The following PARP1 variants were observed in gnomAD, a reference collection of about 807,000 sequenced individuals.
The protein encoded by PARP1 is poly(ADP-ribose) polymerase 1.
A neutral mutation model predicts 118.7 loss-of-function variants in PARP1; 44 were observed. The ratio of observed to expected loss-of-function variants is 0.37; its 90% CI spans 0.29 to 0.48. The LOEUF is 0.48. Ranked by LOEUF, PARP1 falls within the 20% of genes least tolerant of loss-of-function variation. PARP1 has a pLI of 0.99. For missense variants in PARP1, 1,100 were observed against 1,272.4 expected, an observed-to-expected ratio of 0.86 and a Z score of 2.06; for synonymous variants, 492 against 483.2, an observed-to-expected ratio of 1.02 and a Z score of -0.24.
At chr1:226,406,142 G>A (rs1304696694) in intron 1 of PARP1, among the ~76,000 whole-genome samples, 2 of 151,906 alleles carry the variant, frequency 1.3e-5, no homozygotes, top group Non-Finnish European at 1.5e-5. Context: ...CAACTGTAAA[G>A]TGATATGAAA....
intron 1 of PARP1, among the ~76,000 whole-genome samples, chr1:226,406,451 A>C: frequency 6.6e-6 from 1 of 152,118 alleles, no homozygotes; most frequent in East Asian, 1.9e-4. Flanking sequence ...GGCCCTGTCT[A>C]CTTCCCTATT....
rs762594841 is a variant in PARP1 at position 226,379,648 on chromosome 1, G to A, written c.1544-7C>T. 17 of 1,599,882 alleles carry A rather than the reference G, an allele frequency of 1.1e-5. No individual in the cohort carries two copies. The highest frequency in any genetic ancestry group is 1.5e-5 in the Non-Finnish European group (17 of 1,168,770). ...TTTTCAGATTTGTTGATACCTTGGAGGAGAACAGAAAAATGTAAACATGAA... is the reference window on the plus strand; with the variant it reads ...TTTTCAGATTTGTTGATACCTTGGAAGAGAACAGAAAAATGTAAACATGAA... On this transcript the variant is annotated splice_polypyrimidine_tract_variant and splice_region_variant and intron_variant, in intron 10 of 22. Transcript: ENST00000366794.
intron 4 of PARP1, among the ~76,000 whole-genome samples, chr1:226,389,092 CA>C (rs1313513566): frequency 7.2e-5 from 11 of 151,910 alleles, no homozygotes; most frequent in Non-Finnish European, 1.5e-4. Flanking sequence ...AAAAGAAACC[CA>C]TGTATCTCCT....
rs781221959 is a variant in PARP1, at chr1:226,402,396, CAGAG to C, written c.121-21_121-18del. 4 of 1,609,538 alleles carry C rather than the reference CAGAG, an allele frequency of 2.5e-6. No individual in the cohort carries two copies. The South Asian group carries it at 4.4e-5, about 18-fold the overall frequency. Reference sequence around the variant, plus strand: ...CATGGGCGACTAGAAGGAAGAGAAACAGAGGGAAGTAAGTAAGCAGTTAACTTTT... The same window carrying C: ...CATGGGCGACTAGAAGGAAGAGAAACGGAAGTAAGTAAGCAGTTAACTTTT... On this transcript the variant is annotated intron_variant, in intron 1 of 22. Transcript: ENST00000366794.
intron 17 of PARP1, chr1:226,366,732 CAT>C (rs1258803386): frequency 1.3e-5 from 2 of 157,198 alleles, no homozygotes; most frequent in Non-Finnish European, 2.8e-5. Context: ...AAACAAATGA[CAT>C]GTGGTGTCTT....
chr1:226,402,402 G>A lies in PARP1; in HGVS notation c.121-23C>T, dbSNP rs532588151. 2.5e-6 allele frequency: 4 copies of A among 1,606,586 alleles called. No homozygotes were observed. The South Asian group carries it at 4.4e-5, about 18-fold the overall frequency. ...CGACTAGAAGGAAGAGAAACAGAGG[G>A]AAGTAAGTAAGCAGTTAACTTTTGA... is the stretch of plus-strand genomic sequence containing the variant. On this transcript the variant is annotated intron_variant, in intron 1 of 22. Transcript: ENST00000366794.
chr1:226,387,931 C>T (rs1335439428), intron 5 of PARP1, among the ~76,000 whole-genome samples: 2 of 152,176 alleles, frequency 1.3e-5, no homozygotes, highest in Admixed American at 6.5e-5. Context: ...CAACTAGAAC[C>T]ATATCAGAAA....
In PARP1 at chr1:226,379,933, A is replaced by T. The variant is rs2102735361; in HGVS notation, c.1532T>A (p.Val511Asp). 6.2e-7 allele frequency: 1 copy of T among 1,613,760 alleles called. No individual in the cohort carries two copies. Among genetic ancestry groups the T allele is most frequent in the South Asian group, 1.1e-5 (1 of 91,060 alleles). ...CTTGGGGCCCTCACCTTCCTCCTTG[A>T]CCTGGCCCTTGCTTTTTTTGGAGAG... is the stretch of plus-strand genomic sequence containing the variant. Reference protein sequence around the residue: ...AALSKKSKGQVKEEGINKSEK... With the variant: ...AALSKKSKGQDKEEGINKSEK... The change falls in exon 10 of 23, where the codon GTC (valine) becomes GAC (aspartate). Residue 511 changes from valine (V) to aspartate (D), a missense_variant. By Grantham distance (152) the Val-to-Asp change is radical. This residue lies in a region of PARP1 where 948 missense variants were observed against 1,031.8 expected (regional missense o/e 0.92). Transcript: ENST00000366794.
At chr1:226,377,400 A>C (rs1049607905) in intron 12 of PARP1, 97 bp from the exon 13 acceptor site, 41 of 864,304 alleles carry the variant, frequency 4.7e-5, no homozygotes, top group Non-Finnish European at 7.8e-5. Context: ...GTGGGGAAGA[A>C]TTTTACACAC....
chr1:226,400,462 A>G (rs1009086784), intron 2 of PARP1, among the ~76,000 whole-genome samples: 1 of 152,202 alleles, frequency 6.6e-6, no homozygotes, highest in Non-Finnish European at 1.5e-5. Context: ...AGAAATAAGG[A>G]ACCATAAAAT....
intron 13 of PARP1, among the ~76,000 whole-genome samples, chr1:226,375,108 T>C (rs1335128505): frequency 2.6e-5 from 4 of 152,252 alleles, no homozygotes; most frequent in Admixed American, 2.6e-4. Context: ...TGAAAGGAAT[T>C]GGCACTGGGC....
At chr1:226,388,791 C>T (rs759572054) in intron 4 of PARP1, 36 bp from the exon 5 acceptor site, 43 of 1,527,064 alleles carry the variant, frequency 2.8e-5, no homozygotes, top group Non-Finnish European at 3.1e-5. Context: ...ACAGCCAGAG[C>T]CATTAAAAGT....
intron 8 of PARP1, among the ~76,000 whole-genome samples, chr1:226,381,978 C>A (rs1457236135): frequency 6.6e-6 from 1 of 152,168 alleles, no homozygotes; most frequent in Non-Finnish European, 1.5e-5. Context: ...GAGGAGGGAA[C>A]CCTCCATGGA....
Position 226,408,010 on chromosome 1 carries a change from G to T in PARP1, c.-81C>A. The T allele has an allele frequency of 6.3e-7, 1 of 1,587,596 alleles. No homozygotes were observed. The stretch of plus-strand genomic sequence containing the variant: ...GCTGCCGCCTCGCCGCCTCGCGTGC[G>T]CTCACCCAGCCGCAGGCGCCTGAGC... On this transcript the variant is annotated 5_prime_UTR_variant, in exon 1 of 23. Transcript: ENST00000366794.
At position 226,379,064 on chromosome 1, in the gene PARP1, A is replaced by G. The variant is rs146065530; in HGVS notation, c.1745+78T>C. ...AGGCACTGGGCCTAACGGGTTTCAC[A>G]AGGCTGATGGCACAGCACTAACCAA... is the stretch of plus-strand genomic sequence containing the variant. On this transcript the variant is annotated intron_variant, in intron 12 of 22. Transcript: ENST00000366794. The G allele has an allele frequency of 9.7e-5, 153 of 1,581,692 alleles. 1 individual carries two copies. The African/African-American group carries it at 2.0e-3, about 20-fold the overall frequency.
In PARP1 at chr1:226,402,331, A is replaced by G. The variant is rs1177628495; in HGVS notation, c.169T>C (p.Phe57Leu). Reference sequence around the variant, plus strand: ...CGGATGGAGTGGCCCACCTTCCAGAAGCAGGAGAAGTGGTACCAGTGTGGG... The same window carrying G: ...CGGATGGAGTGGCCCACCTTCCAGAGGCAGGAGAAGTGGTACCAGTGTGGG... Reference protein sequence around the residue: ...KVPHWYHFSCFWKVGHSIRHP... With the variant: ...KVPHWYHFSCLWKVGHSIRHP... Residue 57 changes from phenylalanine to leucine, a missense_variant, in exon 2 of 23, where the codon TTC becomes CTC. By Grantham distance (22) the Phe-to-Leu change is conservative. Transcript: ENST00000366794. 1.9e-6 allele frequency: 3 copies of G among 1,614,000 alleles called. No homozygotes were observed. Among genetic ancestry groups the G allele is most frequent in the South Asian group, 2.2e-5 (2 of 91,092 alleles).
Position 226,385,548 on chromosome 1 carries a change from C to T in PARP1, c.967G>A (p.Val323Ile). Residue 323 changes from valine (V) to isoleucine (I), a missense_variant, in exon 7 of 23, where the codon GTC becomes ATC. This residue lies in a region of PARP1 where 948 missense variants were observed against 1,031.8 expected (regional missense o/e 0.92). Transcript: ENST00000366794. ...TTCCGGTTGGGTGTCTGTGTCTTGA[C>T]CATACACTTGGTCCAGGCAGTGACG... ...GDVTAWTKCMVKTQTPNRKEW... is the reference protein window; with the variant it reads ...GDVTAWTKCMIKTQTPNRKEW... 3 of 1,614,118 alleles carry T rather than the reference C, an allele frequency of 1.9e-6. No individual in the cohort carries two copies. Among genetic ancestry groups the T allele is most frequent in the Non-Finnish European group, 2.5e-6 (3 of 1,180,002 alleles).
At chr1:226,366,918 CAA>C in intron 17 of PARP1, 1 of 184,340 alleles carries the variant, frequency 5.4e-6, no homozygotes, top group Non-Finnish European at 1.1e-5. Flanking sequence ...GAGATAGGCT[CAA>C]GGACCGGGCC....
chr1:226,377,897 C>T (rs116718184), intron 12 of PARP1, among the ~76,000 whole-genome samples: 1 of 152,054 alleles, frequency 6.6e-6, no homozygotes, highest in African/African-American at 2.4e-5. Flanking sequence ...GGTAATGCAA[C>T]ACTTAATTGT....
Sources: gnomAD v4.1 joint callset for allele counts (sites outside exome capture counted in the v4.1 genomes callset) on GRCh38, gnomAD v4.1.1 for gene constraint, gnomAD v4.1.1 regional missense constraint, MANE v1.5 for transcripts, NCBI Gene and HGNC (gene_info 2026-07-23, HGNC 2026-07-21) for gene names.